XKR9: variants seen among roughly 807,000 people sequenced by gnomAD.
XKR9 encodes the protein XK-related protein 9.
A neutral mutation model predicts 32.0 loss-of-function variants in XKR9; 32 were observed. The ratio of observed to expected loss-of-function variants is 1.00; its 90% CI spans 0.76 to 1.34. The LOEUF is 1.34. Among genes scored for constraint, XKR9 ranks in the 40% most tolerant of loss-of-function variants. The probability of loss-of-function intolerance (pLI) is 0.00; values close to 1 mark genes in which losing one functional copy is unlikely to be tolerated. For synonymous variants in XKR9, 168 were observed against 143.4 expected (o/e 1.17, Z -1.22); for missense variants, 546 against 429.7 (o/e 1.27, Z -2.39).
chr8:70,810,894 T>C, the XKR9 span, among the ~76,000 whole-genome samples: 1 of 151,998 alleles, frequency 6.6e-6, no homozygotes, highest in Non-Finnish European at 1.5e-5. Context: ...GACAGAAAGT[T>C]AACAAGGATA....
At chr8:71,064,860 G>C in the XKR9 span, among the ~76,000 whole-genome samples, 1 of 152,096 alleles carries the variant, frequency 6.6e-6, no homozygotes, top group African/African-American at 2.4e-5. Context: ...TAGAAGCCTT[G>C]TGTTTTGCAG....
At chr8:70,851,253 T>C in the XKR9 span, among the ~76,000 whole-genome samples, 18,619 of 152,002 alleles carry the variant, frequency 0.12, 1,439 homozygotes, top group African/African-American at 0.21. Flanking sequence ...TCAAGGAGAA[T>C]TACAAACCAC....
intron 4 of XKR9, among the ~76,000 whole-genome samples, chr8:70,715,763 T>A (rs1359662687): frequency 6.6e-6 from 1 of 152,142 alleles, no homozygotes; most frequent in Non-Finnish European, 1.5e-5. Flanking sequence ...TGGCATGAAA[T>A]TTTTAACCTT....
chr8:70,728,202 A>T (rs901187238), intron 4 of XKR9, among the ~76,000 whole-genome samples: 5 of 152,168 alleles, frequency 3.3e-5, no homozygotes, highest in African/African-American at 1.2e-4. Flanking sequence ...GGTCTCTTTC[A>T]CTGTCTAAGG....
the XKR9 span, among the ~76,000 whole-genome samples, chr8:71,005,205 T>G: frequency 2.8e-5 from 4 of 143,394 alleles, no homozygotes; most frequent in African/African-American, 1.0e-4. Context: ...TGGGGCTCAG[T>G]TTTTTTTTCT....
Position 70,707,051 on chromosome 8 carries a change from T to G in XKR9, c.391T>G (p.Leu131Val). The G allele has an allele frequency of 6.2e-7, 1 of 1,613,530 alleles. No individual in the cohort carries two copies. Among genetic ancestry groups the G allele is most frequent in the Non-Finnish European group, 8.5e-7 (1 of 1,179,520 alleles). ...HKEVIDRVTD[L>V]SMLRLFETYL... ...AGAAGTTATAGATAGAGTGACTGAT[T>G]TGAGCATGCTCAGACTATTTGAGAC... Residue 131 changes from leucine to valine, a missense_variant, in exon 4 of 5, where the codon TTG becomes GTG. By Grantham distance (32) the Leu-to-Val change is conservative. Transcript: ENST00000408926.
chr8:70,805,430 G>A, the XKR9 span, among the ~76,000 whole-genome samples: 1 of 152,212 alleles, frequency 6.6e-6, no homozygotes, highest in African/African-American at 2.4e-5. Context: ...GTGGCTGCCT[G>A]CTGTCTAAGC....
intron 2 of XKR9, among the ~76,000 whole-genome samples, chr8:70,755,167 A>C (rs371612791): frequency 3.3e-5 from 5 of 152,390 alleles, no homozygotes; most frequent in East Asian, 1.9e-4. Context: ...AATGCTCGTC[A>C]TGACTGGCCG....
At chr8:70,683,707 C>T (rs1008514416) in intron 3 of XKR9, 62 of 333,032 alleles carry the variant, frequency 1.9e-4, no homozygotes, top group Admixed American at 1.5e-3. Context: ...AGGCTGGTCT[C>T]GAACTCCTGA....
chr8:70,786,647 C>A (rs7461395), intron 2 of XKR9, among the ~76,000 whole-genome samples: 11,038 of 152,076 alleles, frequency 0.073, 474 homozygotes, highest in Non-Finnish European at 0.089. Flanking sequence ...TCTTCACTTT[C>A]AGTGTATTTG....
chr8:70,907,592 T>C, the XKR9 span, among the ~76,000 whole-genome samples: 3 of 152,212 alleles, frequency 2.0e-5, no homozygotes, highest in African/African-American at 7.2e-5. Flanking sequence ...GAGAGGGGTT[T>C]ATACTTTAGC....
the XKR9 span, among the ~76,000 whole-genome samples, chr8:70,818,370 A>G: frequency 6.6e-6 from 1 of 152,098 alleles, no homozygotes; most frequent in Admixed American, 6.6e-5. Context: ...TGCAGCACTT[A>G]TCTTAGCTTA....
the XKR9 span, among the ~76,000 whole-genome samples, chr8:70,972,438 G>A: frequency 0.049 from 7,463 of 152,070 alleles, 824 homozygotes; most frequent in East Asian, 0.27. Context: ...CCTATTTACC[G>A]ATTTGGGTGC....
chr8:70,733,739 A>T (rs1806750010), intron 4 of XKR9, 57 bp from the exon 5 acceptor site: 5 of 1,395,440 alleles, frequency 3.6e-6, no homozygotes, highest in African/African-American at 2.9e-5. Flanking sequence ...GGGATATAGT[A>T]ATCTAATATT....
the XKR9 span, among the ~76,000 whole-genome samples, chr8:70,997,330 C>T: frequency 6.6e-6 from 1 of 151,912 alleles, no homozygotes; most frequent in Non-Finnish European, 1.5e-5. Flanking sequence ...CCAAAACCCC[C>T]CCGCACAAGT....
chr8:70,934,533 A>T, the XKR9 span, among the ~76,000 whole-genome samples: 1 of 152,158 alleles, frequency 6.6e-6, no homozygotes, highest in South Asian at 2.1e-4. Flanking sequence ...TTAGTATTCT[A>T]TCCCTTAATC....
the XKR9 span, among the ~76,000 whole-genome samples, chr8:70,923,502 G>A: frequency 2.8e-4 from 42 of 152,222 alleles, no homozygotes; most frequent in Non-Finnish European, 1.5e-5. Flanking sequence ...TGAAGCTCAA[G>A]CTTCAGATCC....
At chr8:70,890,919 T>C in the XKR9 span, among the ~76,000 whole-genome samples, 1 of 151,808 alleles carries the variant, frequency 6.6e-6, no homozygotes, top group Non-Finnish European at 1.5e-5. Flanking sequence ...GATCAATTAG[T>C]TATTTGGCTT....
At chr8:70,839,655 A>G in the XKR9 span, among the ~76,000 whole-genome samples, 1 of 152,098 alleles carries the variant, frequency 6.6e-6, no homozygotes, top group Admixed American at 6.6e-5. Context: ...TACCTTACTC[A>G]GCTTCCTGAA....
Sources: gnomAD v4.1 joint callset for allele counts (sites outside exome capture counted in the v4.1 genomes callset) on GRCh38, gnomAD v4.1.1 for gene constraint, MANE v1.5 for transcripts, NCBI Gene and HGNC (gene_info 2026-07-23, HGNC 2026-07-21) for gene names.